The following DMD variants were observed in gnomAD, a reference collection of about 807,000 sequenced individuals.
The protein encoded by DMD is dystrophin.
A neutral mutation model predicts 330.1 loss-of-function variants in DMD; 63 were observed. The observed-to-expected ratio is 0.19, with a 90% CI of 0.16 to 0.24. The LOEUF is 0.24. Ranked by LOEUF, DMD falls within the 10% of genes least tolerant of loss-of-function variation. The pLI is 1.00. For missense variants in DMD, 3,344 were observed against 2,684.1 expected (o/e 1.25, Z -5.43); for synonymous variants, 1,223 against 959.8 (o/e 1.27, Z -5.07).
At chrX:31,542,303 G>A (rs888209770) in intron 55 of DMD, among the ~76,000 whole-genome samples, 1 of 111,889 alleles carries the variant, frequency 8.9e-6, no homozygotes, top group African/African-American at 3.3e-5. Flanking sequence ...GAAAGACGAA[G>A]GGTATTCCAG....
chrX:31,765,391 C>T lies in DMD; in HGVS notation c.7542+8569G>A, dbSNP rs182176824. ...TAGAGGATACACTCTAAAATTAGGG[C>T]CTATCCCTTTTTAATTTTTGTTCCC... On this transcript the variant is annotated intron_variant, in intron 51 of 78. Coordinates refer to ENST00000357033, the MANE Select transcript of DMD (RefSeq NM_004006.3). Among the ~76,000 whole-genome samples, 6 of 111,522 alleles carry T rather than the reference C, an allele frequency of 5.4e-5. No individual in the cohort carries two copies. In the Admixed American group the frequency reaches 5.7e-4, roughly 11 times the overall value.
chrX:33,321,248 A>G (rs920393806), intron 1 of DMD, among the ~76,000 whole-genome samples: 1 of 111,466 alleles, frequency 9.0e-6, no homozygotes, highest in African/African-American at 3.3e-5. Context: ...TACAGCAGCT[A>G]TAACCTTACT....
intron 2 of DMD, among the ~76,000 whole-genome samples, chrX:32,910,488 G>C (rs2087129803): frequency 9.0e-6 from 1 of 110,744 alleles, no homozygotes; most frequent in African/African-American, 3.3e-5. Flanking sequence ...GAGTGCAATG[G>C]TGTGATCTGG....
At chrX:31,961,740 G>GTTTTTTTTTTTGTTTTTTTTTTTTT in intron 45 of DMD, among the ~76,000 whole-genome samples, 2 of 75,604 alleles carry the variant, frequency 2.6e-5, no homozygotes, top group Admixed American at 1.5e-4. Context: ...AAAGGAAGCG[G>GTTTTTTTTTTTGTTTTTTTTTTTTT]TTTTTTTTTT....
intron 50 of DMD, among the ~76,000 whole-genome samples, chrX:31,785,421 G>A (rs1447559065): frequency 8.9e-6 from 1 of 111,840 alleles, no homozygotes; most frequent in African/African-American, 3.2e-5. Flanking sequence ...AGTTAAGCTG[G>A]CAAAGTTTGT....
intron 2 of DMD, among the ~76,000 whole-genome samples, chrX:32,866,742 T>A (rs77026009): frequency 2.7e-5 from 1 of 37,289 alleles, no homozygotes; most frequent in African/African-American, 1.5e-4. Context: ...GGTGGGGGGG[T>A]GGGGGGGGGG....
intron 7 of DMD, among the ~76,000 whole-genome samples, chrX:32,741,138 ATAAT>A (rs2069207014): frequency 9.0e-6 from 1 of 111,686 alleles, no homozygotes; most frequent in African/African-American, 3.3e-5. Context: ...AGAATCTGTA[ATAAT>A]CATAATAACG....
At chrX:31,438,227 A>T (rs187423787) in intron 60 of DMD, among the ~76,000 whole-genome samples, 1 of 111,644 alleles carries the variant, frequency 9.0e-6, no homozygotes, top group Admixed American at 9.6e-5. Context: ...ATTTCCCCAG[A>T]GTCTAAACCC....
At chrX:31,309,342 G>C (rs2055295595) in intron 62 of DMD, among the ~76,000 whole-genome samples, 2 of 111,524 alleles carry the variant, frequency 1.8e-5, no homozygotes, top group Non-Finnish European at 3.8e-5. Context: ...TTAAAATAAG[G>C]TTAAAAATTA....
At chrX:32,762,794 A>C (rs1199703909) in intron 7 of DMD, among the ~76,000 whole-genome samples, 1 of 111,013 alleles carries the variant, frequency 9.0e-6, no homozygotes, top group East Asian at 2.8e-4. Context: ...CATTTTTCTA[A>C]GTACAATGTA....
chrX:32,465,014 A>G (rs930952652), intron 23 of DMD, among the ~76,000 whole-genome samples: 4 of 112,109 alleles, frequency 3.6e-5, no homozygotes, highest in African/African-American at 1.3e-4. Flanking sequence ...AACTCATGAG[A>G]ATACTAAAAA....
intron 2 of DMD, among the ~76,000 whole-genome samples, chrX:33,003,312 C>A (rs1602554097): frequency 8.9e-6 from 1 of 111,847 alleles, no homozygotes; most frequent in Non-Finnish European, 1.9e-5. Flanking sequence ...CAAGTTGTTG[C>A]AAAATACATT....
At chrX:33,168,049 C>G (rs1221753955) in intron 1 of DMD, among the ~76,000 whole-genome samples, 1 of 110,424 alleles carries the variant, frequency 9.1e-6, no homozygotes, top group Non-Finnish European at 1.9e-5. Flanking sequence ...CAAATCATGG[C>G]TACACTTGAA....
Position 31,779,859 on chromosome X carries a change from T to C in DMD, c.7310-5667A>G, listed in dbSNP as rs149852752. On this transcript the variant is annotated intron_variant, in intron 50 of 78. Transcript: ENST00000357033. ...TACTAAAATTGTGGTTTTCCCTCCA[T>C]AGTTAAGCAGACAGAAAATCAAGCT... 1.8e-4 allele frequency among the ~76,000 whole-genome samples: 20 copies of C among 111,810 alleles called. No homozygotes were observed. In the South Asian group the frequency reaches 4.5e-3, roughly 25 times the overall value.
At chrX:32,601,610 C>T (rs2149292442) in intron 12 of DMD, among the ~76,000 whole-genome samples, 1 of 108,462 alleles carries the variant, frequency 9.2e-6, no homozygotes, top group Admixed American at 1.0e-4. Context: ...AATAGATTGA[C>T]CAAAACTTGT....
chrX:32,033,379 T>C (rs113591347), intron 44 of DMD, among the ~76,000 whole-genome samples: 1 of 110,398 alleles, frequency 9.1e-6, no homozygotes, highest in Admixed American at 9.8e-5. Context: ...GATCTCATGT[T>C]AAATGTCATT....
rs762531647 is a variant in DMD at position 32,310,185 on chromosome X, G to C, written c.6014C>G (p.Thr2005Ser). 4 of 1,208,202 alleles carry C rather than the reference G, an allele frequency of 3.3e-6. No individual in the cohort carries two copies. The highest frequency in any genetic ancestry group is 2.3e-4 in the Middle Eastern group (1 of 4,334). The part of the protein sequence containing the change: ...YVPSTYLTEI[T>S]HVSQALLEVE... ...TTCTAATAGGGCTTGTGAGACATGA[G>C]TGATTTCAGTCAAATAAGTAGAAGG... The change falls in exon 42 of 79, where the codon ACT (threonine) becomes AGT (serine). Residue 2005 changes from threonine (T) to serine (S), a missense_variant. Thr to Ser is a moderately conservative substitution (Grantham distance 58). Transcript: ENST00000357033.
intron 44 of DMD, among the ~76,000 whole-genome samples, chrX:32,211,380 A>G (rs1214067770): frequency 8.9e-6 from 1 of 112,282 alleles, no homozygotes; most frequent in Non-Finnish European, 1.9e-5. Flanking sequence ...ATGACAATGA[A>G]TAAATTTTTA....
At chrX:33,022,810 A>G (rs1337696714) in intron 1 of DMD, among the ~76,000 whole-genome samples, 2 of 111,682 alleles carry the variant, frequency 1.8e-5, no homozygotes, top group African/African-American at 6.5e-5. Flanking sequence ...AATACAGAAT[A>G]CCATAAGATA....
Sources: gnomAD v4.1 joint callset for allele counts (sites outside exome capture counted in the v4.1 genomes callset) on GRCh38, gnomAD v4.1.1 for gene constraint, MANE v1.5 for transcripts, NCBI Gene and HGNC (gene_info 2026-07-23, HGNC 2026-07-21) for gene names.